The following CYLC2 variants were observed in gnomAD, a reference collection of about 807,000 sequenced individuals.
The protein encoded by CYLC2 is cylicin-2.
Under a neutral mutation model 26.1 loss-of-function variants are expected in CYLC2, and 30 were observed. The ratio of observed to expected loss-of-function variants is 1.15; its 90% CI spans 0.86 to 1.56. CYLC2 has a LOEUF of 1.56. CYLC2 is among the 40% of genes most tolerant of loss of function. CYLC2 has a pLI of 0.00. For missense variants in CYLC2, 498 were observed against 394.4 expected, an observed-to-expected ratio of 1.26 and a Z score of -2.23; for synonymous variants, 158 against 132.8, an observed-to-expected ratio of 1.19 and a Z score of -1.31.
intron 1 of CYLC2, among the ~76,000 whole-genome samples, chr9:102,999,455 A>C (rs985327754): frequency 1.7e-4 from 26 of 151,742 alleles, no homozygotes; most frequent in Admixed American, 1.4e-3. Flanking sequence ...CTTCCTTTTC[A>C]ATCTTAGTGC....
At chr9:103,008,978 G>A (rs1436651302) in intron 5 of CYLC2, among the ~76,000 whole-genome samples, 10 of 152,190 alleles carry the variant, frequency 6.6e-5, no homozygotes, top group African/African-American at 2.2e-4. Flanking sequence ...TTAATGATCT[G>A]TGTGCTGACT....
At chr9:102,999,064 A>G (rs1296983226) in intron 1 of CYLC2, among the ~76,000 whole-genome samples, 1 of 151,882 alleles carries the variant, frequency 6.6e-6, no homozygotes, top group Non-Finnish European at 1.5e-5. Context: ...TGTGAATAAA[A>G]TTGCTATGAA....
intron 6 of CYLC2, among the ~76,000 whole-genome samples, chr9:103,014,598 A>ACGCAG (rs1400174377): frequency 4.6e-4 from 66 of 144,508 alleles, no homozygotes; most frequent in Middle Eastern, 0.011. Flanking sequence ...TATGTATATT[A>ACGCAG]TGCAGTATAC....
chr9:102,996,422 G>C (rs1829237934), intron 1 of CYLC2, among the ~76,000 whole-genome samples: 1 of 151,870 alleles, frequency 6.6e-6, no homozygotes, highest in African/African-American at 2.4e-5. Flanking sequence ...ACAATGGTTA[G>C]AAACCTCTTT....
intron 3 of CYLC2, 73 bp downstream of exon 3, chr9:103,003,336 A>G: frequency 7.8e-7 from 1 of 1,278,434 alleles, no homozygotes; most frequent in Non-Finnish European, 1.1e-6. Context: ...CATAATAAGT[A>G]ATTATAATTA....
intron 5 of CYLC2, among the ~76,000 whole-genome samples, chr9:103,008,660 T>G (rs968047921): frequency 6.6e-6 from 1 of 152,090 alleles, no homozygotes; most frequent in African/African-American, 2.4e-5. Flanking sequence ...CATCCCTAAT[T>G]ACTCTTTTTT....
intron 6 of CYLC2, among the ~76,000 whole-genome samples, chr9:103,016,528 T>TTAA (rs1243099778): frequency 1.3e-5 from 2 of 152,082 alleles, no homozygotes; most frequent in Admixed American, 1.3e-4. Context: ...TTTCTGCTAT[T>TTAA]TACTACTACT....
At chr9:102,995,473 T>C in intron 1 of CYLC2, 76 bp downstream of exon 1, 2 of 1,086,190 alleles carry the variant, frequency 1.8e-6, no homozygotes, top group Non-Finnish European at 2.8e-6. Context: ...TATGAAGAGA[T>C]ATTTATTATA....
intron 6 of CYLC2, among the ~76,000 whole-genome samples, chr9:103,012,684 TG>T (rs1336615833): frequency 6.6e-6 from 1 of 152,042 alleles, no homozygotes; most frequent in Non-Finnish European, 1.5e-5. Flanking sequence ...CTTATCAGGC[TG>T]AACTATTTGG....
At chr9:103,000,025 C>T (rs1367769038) in intron 1 of CYLC2, among the ~76,000 whole-genome samples, 1 of 151,520 alleles carries the variant, frequency 6.6e-6, no homozygotes, top group African/African-American at 2.4e-5. Context: ...TATTGTTTTC[C>T]TAGTTTCAAT....
At chr9:102,998,613 T>C (rs1178352735) in intron 1 of CYLC2, among the ~76,000 whole-genome samples, 3 of 151,944 alleles carry the variant, frequency 2.0e-5, no homozygotes, top group African/African-American at 7.2e-5. Flanking sequence ...CAAGGGTATT[T>C]GGTTTATTGC....
intron 6 of CYLC2, among the ~76,000 whole-genome samples, chr9:103,015,390 T>TAC (rs1829490676): frequency 1.6e-5 from 1 of 63,490 alleles, no homozygotes; most frequent in Non-Finnish European, 2.9e-5. Context: ...ATATTAAATA[T>TAC]ATATATATGC....
At chr9:102,998,042 C>T (rs540967909) in intron 1 of CYLC2, among the ~76,000 whole-genome samples, 27 of 151,948 alleles carry the variant, frequency 1.8e-4, no homozygotes, top group African/African-American at 6.3e-4. Flanking sequence ...CAATGGGAAA[C>T]CTTTACCTCA....
intron 5 of CYLC2, among the ~76,000 whole-genome samples, chr9:103,008,379 T>C (rs1489954715): frequency 6.6e-6 from 1 of 152,042 alleles, no homozygotes; most frequent in Non-Finnish European, 1.5e-5. Context: ...CAATAAAAAA[T>C]AAAAATGAAA....
At chr9:103,000,805 A>T (rs1829281110) in intron 1 of CYLC2, among the ~76,000 whole-genome samples, 1 of 152,104 alleles carries the variant, frequency 6.6e-6, no homozygotes, top group African/African-American at 2.4e-5. Flanking sequence ...CTCTATATCC[A>T]AAATATAATG....
At chr9:103,015,879 G>A (rs34405823) in intron 6 of CYLC2, among the ~76,000 whole-genome samples, 99,712 of 149,418 alleles carry the variant, frequency 0.67, 33,512 homozygotes, top group South Asian at 0.82. Flanking sequence ...CAGATAAGAT[G>A]GAAAGACAGA....
rs538725462 is a variant in CYLC2, at chr9:103,005,366, G to A, written c.735G>A (p.Glu245=). 1 of 1,613,794 alleles carries A rather than the reference G, an allele frequency of 6.2e-7. No homozygotes were observed. The highest frequency in any genetic ancestry group is 1.3e-5 in the African/African-American group (1 of 74,970). Residue 245 remains glutamate, a synonymous_variant, in exon 5 of 8, where the codon GAG becomes GAA. Coordinates refer to ENST00000374798, the MANE Select transcript of CYLC2 (RefSeq NM_001340.5). ...TAAAAGCAGATGAAAAGAAGGATGA[G>A]GATGGAAAAAAAGATGCAAACAAAG... ...QAVKADEKKD[E]DGKKDANKGD... is the part of the protein sequence containing the mutation.
At chr9:103,008,670 TC>T (rs1239562451) in intron 5 of CYLC2, among the ~76,000 whole-genome samples, 1 of 152,160 alleles carries the variant, frequency 6.6e-6, no homozygotes, top group Non-Finnish European at 1.5e-5. Flanking sequence ...TACTCTTTTT[TC>T]TTCACCCTGC....
Position 103,005,370 on chromosome 9 carries a change from G to C in CYLC2, c.739G>C (p.Gly247Arg). The stretch of plus-strand genomic sequence containing the variant: ...AGCAGATGAAAAGAAGGATGAGGAT[G>C]GAAAAAAAGATGCAAACAAAGGTGA... ...VKADEKKDED[G>R]KKDANKGDES... The change falls in exon 5 of 8, where the codon GGA (glycine) becomes CGA (arginine). Residue 247 changes from glycine (G) to arginine (R), a missense_variant. Transcript: ENST00000374798. The C allele has an allele frequency of 6.2e-7, 1 of 1,613,424 alleles. No homozygotes were observed. Among genetic ancestry groups the C allele is most frequent in the Non-Finnish European group, 8.5e-7 (1 of 1,179,852 alleles).
Sources: gnomAD v4.1 joint callset for allele counts (sites outside exome capture counted in the v4.1 genomes callset) on GRCh38, gnomAD v4.1.1 for gene constraint, MANE v1.5 for transcripts, NCBI Gene and HGNC (gene_info 2026-07-23, HGNC 2026-07-21) for gene names.